CRIM1: variants seen among roughly 807,000 people sequenced by gnomAD.
CRIM1 encodes the protein cysteine rich transmembrane BMP regulator 1.
A neutral mutation model predicts 116.4 loss-of-function variants in CRIM1; 32 were observed. The ratio of observed to expected loss-of-function variants is 0.27; its 90% confidence interval spans 0.21 to 0.37. CRIM1 has a LOEUF of 0.37. Among genes scored for constraint, CRIM1 ranks in the 10% least tolerant of loss-of-function variants. The probability of loss-of-function intolerance (pLI) is 1.00; values close to 1 mark genes in which losing one functional copy is unlikely to be tolerated. For synonymous variants in CRIM1, 590 were observed against 509.2 expected, an observed-to-expected ratio of 1.16 and a Z score of -2.13; for missense variants, 1,331 against 1,354.8, an observed-to-expected ratio of 0.98 and a Z score of 0.28.
At chr2:36,504,752 C>G (rs899221023) in intron 8 of CRIM1, among the ~76,000 whole-genome samples, 2 of 152,154 alleles carry the variant, frequency 1.3e-5, no homozygotes, top group Admixed American at 6.5e-5. Flanking sequence ...GCTCTTTAAC[C>G]AGTGTCTTTT....
At chr2:36,450,918 A>T (rs1676668520) in intron 4 of CRIM1, among the ~76,000 whole-genome samples, 1 of 152,232 alleles carries the variant, frequency 6.6e-6, no homozygotes. Context: ...AGAGATGTTT[A>T]GAAGAAGTTT....
intron 2 of CRIM1, among the ~76,000 whole-genome samples, chr2:36,413,291 C>T (rs1020330527): frequency 6.6e-6 from 1 of 152,176 alleles, no homozygotes; most frequent in Non-Finnish European, 1.5e-5. Context: ...AATATGTAAG[C>T]CCTTTAATGT....
At chr2:36,425,505 T>A (rs1470236672) in intron 2 of CRIM1, among the ~76,000 whole-genome samples, 1 of 152,230 alleles carries the variant, frequency 6.6e-6, no homozygotes, top group East Asian at 1.9e-4. Flanking sequence ...TAAATTATTA[T>A]TGGAAGTTAG....
intron 13 of CRIM1, among the ~76,000 whole-genome samples, chr2:36,536,436 G>A (rs554674899): frequency 5.6e-4 from 85 of 152,246 alleles, no homozygotes; most frequent in Non-Finnish European, 1.1e-3. Context: ...AAATGTCCCC[G>A]GATTAGTAGG....
chr2:36,447,055 T>A (rs1676300622), intron 4 of CRIM1, among the ~76,000 whole-genome samples: 1 of 152,264 alleles, frequency 6.6e-6, no homozygotes, highest in Non-Finnish European at 1.5e-5. Flanking sequence ...ACACCTTAAA[T>A]GTGTAAAGTG....
At chr2:36,446,012 G>C (rs972347476) in intron 4 of CRIM1, among the ~76,000 whole-genome samples, 15 of 152,200 alleles carry the variant, frequency 9.9e-5, no homozygotes, top group African/African-American at 3.6e-4. Flanking sequence ...GAGCAAAGCT[G>C]ATTATGTGGA....
chr2:36,389,385 T>C (rs1240323411), intron 1 of CRIM1, among the ~76,000 whole-genome samples: 1 of 152,164 alleles, frequency 6.6e-6, no homozygotes, highest in African/African-American at 2.4e-5. Flanking sequence ...GTTTTTAGGC[T>C]GGCATGAAAA....
intron 13 of CRIM1, among the ~76,000 whole-genome samples, chr2:36,524,811 T>G (rs1665644205): frequency 6.6e-6 from 1 of 152,192 alleles, no homozygotes; most frequent in Non-Finnish European, 1.5e-5. Flanking sequence ...GTCTTTCTTT[T>G]TATTTTTTAT....
intron 1 of CRIM1, among the ~76,000 whole-genome samples, chr2:36,363,538 C>T (rs927684188): frequency 6.9e-6 from 1 of 144,020 alleles, no homozygotes; most frequent in African/African-American, 2.5e-5. Flanking sequence ...CGCCCCCCCC[C>T]CCCATGACTA....
chr2:36,535,249 G>C (rs1334316501), intron 13 of CRIM1, among the ~76,000 whole-genome samples: 1 of 151,672 alleles, frequency 6.6e-6, no homozygotes, highest in Non-Finnish European at 1.5e-5. Context: ...GGGGGAAGGA[G>C]AGAGGGGAAA....
At chr2:36,501,232 C>T (rs746479575) in intron 8 of CRIM1, among the ~76,000 whole-genome samples, 9 of 152,192 alleles carry the variant, frequency 5.9e-5, no homozygotes, top group African/African-American at 1.7e-4. Flanking sequence ...TTGGACTTAA[C>T]GTAGACAGAT....
At chr2:36,537,691 C>A (rs1666649838) in intron 14 of CRIM1, 145 bp downstream of exon 14, 1 of 884,254 alleles carries the variant, frequency 1.1e-6, no homozygotes, top group African/African-American at 1.7e-5. Flanking sequence ...CACCCAAAGA[C>A]CCTATGGGTA....
intron 13 of CRIM1, among the ~76,000 whole-genome samples, chr2:36,524,300 A>G (rs848521): frequency 0.78 from 118,239 of 152,106 alleles, 46,243 homozygotes; most frequent in East Asian, 0.98. Flanking sequence ...TTACCTTTTC[A>G]AAGAGCTGAC....
intron 7 of CRIM1, among the ~76,000 whole-genome samples, chr2:36,495,582 A>C (rs1680531568): frequency 6.6e-6 from 1 of 151,666 alleles, no homozygotes; most frequent in African/African-American, 2.4e-5. Flanking sequence ...CTTGGATAAA[A>C]GCTATGTTAA....
At chr2:36,361,935 A>G (rs1669248234) in intron 1 of CRIM1, among the ~76,000 whole-genome samples, 1 of 152,300 alleles carries the variant, frequency 6.6e-6, no homozygotes, top group Non-Finnish European at 1.5e-5. Flanking sequence ...TTTCCTTCTC[A>G]GAGGTCTAAT....
chr2:36,506,159 T>A (rs2689708), intron 8 of CRIM1, among the ~76,000 whole-genome samples: 4,485 of 51,898 alleles, frequency 0.086, 78 homozygotes, highest in East Asian at 0.2. Flanking sequence ...ACACACACAC[T>A]CTCTCTCTCT....
At chr2:36,375,065 A>T (rs1048441300) in intron 1 of CRIM1, among the ~76,000 whole-genome samples, 1 of 151,892 alleles carries the variant, frequency 6.6e-6, no homozygotes, top group Non-Finnish European at 1.5e-5. Flanking sequence ...GGATATAATT[A>T]AGTTCTAAAT....
intron 1 of CRIM1, among the ~76,000 whole-genome samples, chr2:36,373,750 C>T (rs1226154209): frequency 3.9e-5 from 6 of 152,072 alleles, no homozygotes; most frequent in African/African-American, 9.7e-5. Flanking sequence ...GCTATGCACA[C>T]GTTGGAGATT....
chr2:36,506,270 A>T lies in CRIM1; in HGVS notation c.1502-3713A>T, dbSNP rs188785064. On this transcript the variant is annotated intron_variant, in intron 8 of 16. Coordinates refer to ENST00000280527, the MANE Select transcript of CRIM1 (RefSeq NM_016441.3). ...TTCACCTAACGTGCACATCTTTGGGATGTGAGAGTACCCAGAGAAAACCCA... is the reference window on the plus strand; with the variant it reads ...TTCACCTAACGTGCACATCTTTGGGTTGTGAGAGTACCCAGAGAAAACCCA... Among the ~76,000 whole-genome samples the T allele has an allele frequency of 1.3e-3, 202 of 151,614 alleles. 1 individual carries two copies. Among genetic ancestry groups the T allele is most frequent in the African/African-American group, 4.4e-3 (183 of 41,288 alleles).
Sources: gnomAD v4.1 joint callset for allele counts (sites outside exome capture counted in the v4.1 genomes callset) on GRCh38, gnomAD v4.1.1 for gene constraint, MANE v1.5 for transcripts, NCBI Gene and HGNC (gene_info 2026-07-23, HGNC 2026-07-21) for gene names.